SENP1: variants seen among roughly 807,000 people sequenced by gnomAD.
SENP1 encodes the protein SUMO specific peptidase 1, also known as sentrin-specific protease 1.
In SENP1, 21 loss-of-function variants were observed where a neutral mutation model predicts 93.0. That is an observed-to-expected ratio of 0.23 (90% confidence interval 0.16 to 0.33). The LOEUF (loss-of-function observed/expected upper bound fraction) is 0.33, where lower values mean the gene tolerates loss of function less well. Among genes scored for constraint, SENP1 ranks in the 10% least tolerant of loss-of-function variants. SENP1 has a pLI of 1.00. For synonymous variants in SENP1, 256 were observed against 259.6 expected (o/e 0.99, Z 0.13); for missense variants, 591 against 758.7 (o/e 0.78, Z 2.60).
At position 48,045,028 on chromosome 12, in the gene SENP1, T is replaced by C. The variant is rs1008241183; in HGVS notation, c.*294A>G. 7.7e-5 allele frequency: 31 copies of C among 403,554 alleles called. No individual in the cohort carries two copies. The highest frequency in any genetic ancestry group is 1.3e-4 in the Non-Finnish European group (28 of 221,586). 25.0% of individuals were successfully genotyped at this position (403,554 alleles called of 1,614,324 possible). On this transcript the variant is annotated 3_prime_UTR_variant, in exon 18 of 18. Transcript: ENST00000549518. Reference sequence around the variant, plus strand: ...CCCATAATTAGGGACTGAGTGAGGCTGGAGCCCTTTGAAAACAAGATGGCA... The same window carrying C: ...CCCATAATTAGGGACTGAGTGAGGCCGGAGCCCTTTGAAAACAAGATGGCA...
intron 13 of SENP1, among the ~76,000 whole-genome samples, chr12:48,059,914 A>T (rs1299484096): frequency 6.6e-6 from 1 of 152,036 alleles, no homozygotes; most frequent in African/African-American, 2.4e-5. Flanking sequence ...TTGGAACATA[A>T]ACTATTGACA....
intron 13 of SENP1, 130 bp downstream of exon 13, chr12:48,063,580 A>T: frequency 1.3e-6 from 1 of 759,572 alleles, no homozygotes; most frequent in Non-Finnish European, 2.0e-6. Context: ...ACAAGAATGA[A>T]GAGGCCTATG....
chr12:48,074,655 AT>A (rs1943938089), intron 7 of SENP1, 34 bp downstream of exon 7: 3 of 1,607,728 alleles, frequency 1.9e-6, no homozygotes, highest in Non-Finnish European at 2.6e-6. Flanking sequence ...AAATTGTAGA[AT>A]TAAATTCATC....
chr12:48,047,865 C>T (rs903484755), intron 15 of SENP1, 136 bp downstream of exon 15: 15 of 617,940 alleles, frequency 2.4e-5, no homozygotes, highest in Admixed American at 1.6e-4. Context: ...TACTTAGATA[C>T]AAAATATGCA....
intron 13 of SENP1, among the ~76,000 whole-genome samples, chr12:48,052,666 A>C (rs1211677637): frequency 1.3e-5 from 2 of 152,204 alleles, no homozygotes; most frequent in East Asian, 3.8e-4. Flanking sequence ...AATTTTTCTT[A>C]CATGCCAATT....
intron 13 of SENP1, among the ~76,000 whole-genome samples, chr12:48,051,278 G>T (rs1303645144): frequency 6.6e-6 from 1 of 152,138 alleles, no homozygotes. Context: ...GAGAACCCCA[G>T]TCATCAGACA....
At chr12:48,053,499 A>AG (rs922327991) in intron 13 of SENP1, among the ~76,000 whole-genome samples, 2 of 151,612 alleles carry the variant, frequency 1.3e-5, no homozygotes, top group Non-Finnish European at 2.9e-5. Context: ...AAAAAAAAAA[A>AG]AGAATGTTCA....
At chr12:48,045,610 A>G (rs896869869) in intron 17 of SENP1, among the ~76,000 whole-genome samples, 2 of 152,136 alleles carry the variant, frequency 1.3e-5, no homozygotes, top group Non-Finnish European at 2.9e-5. Context: ...GGGTATTTCC[A>G]GGAATCCCCA....
At chr12:48,055,083 G>A (rs777757868) in intron 13 of SENP1, 5 of 223,724 alleles carry the variant, frequency 2.2e-5, no homozygotes, top group Admixed American at 8.4e-5. Flanking sequence ...TCAACCAGTC[G>A]CCGTGGTATT....
intron 13 of SENP1, among the ~76,000 whole-genome samples, chr12:48,057,941 C>CTTTTTTTTTTTTTTT (rs370210767): frequency 1.2e-5 from 1 of 85,684 alleles, no homozygotes; most frequent in African/African-American, 4.9e-5. Flanking sequence ...TTTATTTCCT[C>CTTTTTTTTTTTTTTT]TTTTTTTTTT....
chr12:48,083,344 A>C (rs1944619557), intron 6 of SENP1, among the ~76,000 whole-genome samples: 1 of 152,232 alleles, frequency 6.6e-6, no homozygotes, highest in Non-Finnish European at 1.5e-5. Context: ...TTAAAGATTA[A>C]GTAAAGTCAG....
intron 4 of SENP1, among the ~76,000 whole-genome samples, chr12:48,094,665 G>C (rs934550699): frequency 2.6e-5 from 4 of 151,934 alleles, no homozygotes; most frequent in East Asian, 1.9e-4. Context: ...GGGTGACAGA[G>C]CGAGACTCCA....
rs779038761 is a variant in SENP1, at chr12:48,074,466, G to A, written c.798C>T (p.Ser266=). The A allele has an allele frequency of 5.6e-6, 9 of 1,613,864 alleles. 1 individual carries two copies. In the South Asian group the frequency reaches 9.9e-5, roughly 18 times the overall value. ...AAGAAGATAGGGAATATACACTGTG[G>A]GACAGCTGTTCCTGGTTAGTTAAAA... ...ASILTNQEQL[S]HSVYSLSSYT... is the part of the protein sequence containing the mutation. Residue 266 remains serine, a synonymous_variant, in exon 8 of 18, where the codon TCC becomes TCT. Transcript: ENST00000549518.
chr12:48,056,421 T>C (rs1470063918), intron 13 of SENP1, among the ~76,000 whole-genome samples: 1 of 114,322 alleles, frequency 8.7e-6, no homozygotes, highest in African/African-American at 3.7e-5. Context: ...TTTAATATAG[T>C]ACATATTACA....
At chr12:48,063,128 T>C (rs1943066984) in intron 13 of SENP1, among the ~76,000 whole-genome samples, 1 of 152,204 alleles carries the variant, frequency 6.6e-6, no homozygotes, top group African/African-American at 2.4e-5. Context: ...GTAATTAATA[T>C]ACTTAAAATA....
At chr12:48,089,109 A>G in intron 4 of SENP1, 149 bp from the exon 5 acceptor site, 2 of 1,564,372 alleles carry the variant, frequency 1.3e-6, no homozygotes, top group African/African-American at 1.4e-5. Context: ...AACTGCCAGT[A>G]AAGTCTGCAG....
intron 9 of SENP1, among the ~76,000 whole-genome samples, chr12:48,070,981 A>T (rs969985104): frequency 6.6e-6 from 1 of 152,144 alleles, no homozygotes; most frequent in Non-Finnish European, 1.5e-5. Flanking sequence ...ATGTGGTCCC[A>T]GCTGAGGCAA....
At chr12:48,069,452 C>T (rs1943531259) in intron 9 of SENP1, among the ~76,000 whole-genome samples, 1 of 152,150 alleles carries the variant, frequency 6.6e-6, no homozygotes, top group Admixed American at 6.5e-5. Flanking sequence ...CAGACCATTT[C>T]TCCTGCCATC....
At chr12:48,088,635 A>G (rs1945038259) in intron 5 of SENP1, 166 bp downstream of exon 5, 3 of 652,420 alleles carry the variant, frequency 4.6e-6, no homozygotes, top group Non-Finnish European at 7.9e-6. Flanking sequence ...AGCACTAAGT[A>G]AATGAGAAGT....
Sources: allele counts gnomAD v4.1 joint callset (sites outside exome capture counted in the v4.1 genomes callset), GRCh38; gene constraint gnomAD v4.1.1; transcripts MANE v1.5; gene names NCBI Gene and HGNC (gene_info 2026-07-23, HGNC 2026-07-21).